The following MAPK4 variants were observed in gnomAD, a reference collection of about 807,000 sequenced individuals.
The protein encoded by MAPK4 is Erk3-related.
In MAPK4, 22 loss-of-function variants were observed where a neutral mutation model predicts 47.7. That is an observed-to-expected ratio of 0.46 (90% CI 0.33 to 0.66). MAPK4 has a LOEUF of 0.66. MAPK4 is among the 30% of genes least tolerant of loss of function. The pLI is 0.02. For missense variants in MAPK4, 736 were observed against 831.7 expected, an observed-to-expected ratio of 0.88 and a Z score of 1.42; for synonymous variants, 390 against 365.7, an observed-to-expected ratio of 1.07 and a Z score of -0.76.
chr18:50,623,184 G>A (rs1764744645), intron 1 of MAPK4, among the ~76,000 whole-genome samples: 1 of 152,148 alleles, frequency 6.6e-6, no homozygotes, highest in South Asian at 2.1e-4. Flanking sequence ...GGCAGAGATG[G>A]GGGAAACTCC....
chr18:50,637,118 C>A (rs1446451673), intron 1 of MAPK4, among the ~76,000 whole-genome samples: 1 of 152,168 alleles, frequency 6.6e-6, no homozygotes, highest in Non-Finnish European at 1.5e-5. Flanking sequence ...TCTCCCATCT[C>A]TGGGTCTCAC....
chr18:50,568,229 T>TACAACC (rs2042219211), intron 1 of MAPK4, among the ~76,000 whole-genome samples: 2 of 151,742 alleles, frequency 1.3e-5, no homozygotes, highest in Admixed American at 1.3e-4. Context: ...AAAAAAAGAA[T>TACAACC]TCCATACAAC....
intron 1 of MAPK4, among the ~76,000 whole-genome samples, chr18:50,615,065 G>A (rs1161634198): frequency 6.6e-6 from 1 of 152,182 alleles, no homozygotes; most frequent in Non-Finnish European, 1.5e-5. Context: ...GGCAAGAGAT[G>A]TGGAGAAATG....
At chr18:50,627,395 A>G (rs1226300484) in intron 1 of MAPK4, among the ~76,000 whole-genome samples, 1 of 152,158 alleles carries the variant, frequency 6.6e-6, no homozygotes, top group Non-Finnish European at 1.5e-5. Flanking sequence ...GAGGCCACAG[A>G]CACTCCCATC....
At chr18:50,632,872 G>C (rs1208227477) in intron 1 of MAPK4, among the ~76,000 whole-genome samples, 1 of 152,090 alleles carries the variant, frequency 6.6e-6, no homozygotes, top group Non-Finnish European at 1.5e-5. Flanking sequence ...CACCTGCCTT[G>C]GCCTCTCAAA....
At chr18:50,564,111 C>T (rs900568318) in intron 1 of MAPK4, among the ~76,000 whole-genome samples, 5 of 152,186 alleles carry the variant, frequency 3.3e-5, no homozygotes, top group African/African-American at 1.2e-4. Context: ...CTGGAGGCTT[C>T]ATTGCTGTTT....
Position 50,715,143 on chromosome 18 carries a change from A to G in MAPK4, c.611A>G (p.Asn204Ser), listed in dbSNP as rs374923849. ...TCCCCACGACTGCTCCTTTCCCCCA[A>G]TAACTACACCAAAGCCATCGACATG... ...YRSPRLLLSP[N>S]NYTKAIDMWA... Residue 204 changes from asparagine (N) to serine (S), a missense_variant, in exon 3 of 6, where the codon AAT becomes AGT. This residue lies in a region of MAPK4 where 327 missense variants were observed against 395.4 expected (regional missense o/e 0.83). Coordinates refer to ENST00000400384, the MANE Select transcript of MAPK4 (RefSeq NM_002747.4). The G allele has an allele frequency of 4.1e-5, 66 of 1,614,064 alleles. No individual in the cohort carries two copies. The highest frequency in any genetic ancestry group is 1.6e-4 in the Middle Eastern group (1 of 6,084).
chr18:50,689,639 C>A (rs922728551), intron 2 of MAPK4, among the ~76,000 whole-genome samples: 1 of 151,856 alleles, frequency 6.6e-6, no homozygotes, highest in South Asian at 2.1e-4. Context: ...TAGCTCACGC[C>A]TGTAATCCCA....
intron 2 of MAPK4, among the ~76,000 whole-genome samples, chr18:50,703,166 T>C (rs1191505397): frequency 1.3e-5 from 2 of 152,158 alleles, no homozygotes; most frequent in Non-Finnish European, 2.9e-5. Flanking sequence ...ACCTTTCTGC[T>C]GCCCTCCTCC....
At chr18:50,577,154 A>AT (rs2042304855) in intron 1 of MAPK4, among the ~76,000 whole-genome samples, 1 of 152,158 alleles carries the variant, frequency 6.6e-6, no homozygotes, top group East Asian at 1.9e-4. Flanking sequence ...TTGGAATTTT[A>AT]AAAAGATGAT....
chr18:50,699,720 A>C (rs910251138), intron 2 of MAPK4, among the ~76,000 whole-genome samples: 4 of 152,236 alleles, frequency 2.6e-5, no homozygotes, highest in African/African-American at 9.6e-5. Flanking sequence ...GGTCACCTGC[A>C]CATCTGACCC....
At chr18:50,570,991 A>G (rs777562303) in intron 1 of MAPK4, among the ~76,000 whole-genome samples, 7 of 151,944 alleles carry the variant, frequency 4.6e-5, no homozygotes, top group Non-Finnish European at 1.0e-4. Context: ...GAAATTTTAG[A>G]GCTGAGCTAT....
intron 2 of MAPK4, among the ~76,000 whole-genome samples, chr18:50,684,176 C>G (rs1908739021): frequency 6.6e-6 from 1 of 152,158 alleles, no homozygotes; most frequent in Admixed American, 6.5e-5. Flanking sequence ...CCTTTGGAGG[C>G]TTGATTCCAT....
At chr18:50,591,349 C>A (rs1409933141) in intron 1 of MAPK4, among the ~76,000 whole-genome samples, 5 of 152,050 alleles carry the variant, frequency 3.3e-5, no homozygotes, top group African/African-American at 1.2e-4. Flanking sequence ...GGCCTCCCAC[C>A]TTTTCATTCT....
At chr18:50,713,800 AAGG>A (rs1475463591) in intron 2 of MAPK4, among the ~76,000 whole-genome samples, 3 of 152,200 alleles carry the variant, frequency 2.0e-5, no homozygotes, top group Non-Finnish European at 4.4e-5. Context: ...TACAAATTTT[AAGG>A]AGTTCATTTT....
At chr18:50,709,469 A>G (rs1401492112) in intron 2 of MAPK4, among the ~76,000 whole-genome samples, 2 of 152,210 alleles carry the variant, frequency 1.3e-5, no homozygotes, top group African/African-American at 4.8e-5. Flanking sequence ...AGGCCTGCCC[A>G]GGCTAATTAG....
intron 2 of MAPK4, among the ~76,000 whole-genome samples, chr18:50,700,491 T>C (rs994024662): frequency 4.6e-5 from 7 of 152,196 alleles, no homozygotes; most frequent in Non-Finnish European, 8.8e-5. Flanking sequence ...GCAAACCAAA[T>C]TCACTGGCAG....
At chr18:50,689,541 A>T (rs1383406729) in intron 2 of MAPK4, among the ~76,000 whole-genome samples, 1 of 152,122 alleles carries the variant, frequency 6.6e-6, no homozygotes, top group Non-Finnish European at 1.5e-5. Flanking sequence ...AAGTCACAGG[A>T]TGTTCAAGTT....
intron 1 of MAPK4, among the ~76,000 whole-genome samples, chr18:50,614,856 C>T (rs2042670036): frequency 6.6e-6 from 1 of 152,084 alleles, no homozygotes. Context: ...TTCTTCCCTT[C>T]TGGGAAGCAA....
Sources: allele counts gnomAD v4.1 joint callset (sites outside exome capture counted in the v4.1 genomes callset), GRCh38; gene constraint gnomAD v4.1.1; regional missense constraint gnomAD v4.1.1; transcripts MANE v1.5; gene names NCBI Gene and HGNC (gene_info 2026-07-23, HGNC 2026-07-21).